KPNA2: variants seen among roughly 807,000 people sequenced by gnomAD.
KPNA2 encodes karyopherin subunit alpha 2.
Under a neutral mutation model 53.7 loss-of-function variants are expected in KPNA2, and 20 were observed. That is an observed-to-expected ratio of 0.37 (90% CI 0.26 to 0.54). The LOEUF (loss-of-function observed/expected upper bound fraction) is 0.54, where lower values mean the gene tolerates loss of function less well. Among genes scored for constraint, KPNA2 ranks in the 20% least tolerant of loss-of-function variants. The pLI is 0.83. For missense variants in KPNA2, 515 were observed against 640.3 expected, an observed-to-expected ratio of 0.80 and a Z score of 2.11; for synonymous variants, 238 against 227.5, an observed-to-expected ratio of 1.05 and a Z score of -0.42.
chr17:68,046,408 G>A, intron 10 of KPNA2, 96 bp from the exon 11 acceptor site: 1 of 704,156 alleles, frequency 1.4e-6, no homozygotes, highest in Non-Finnish European at 2.4e-6. Flanking sequence ...GGTGTAATAT[G>A]CAGATCAAGA....
chr17:68,040,826 T>G (rs1599140603), intron 4 of KPNA2, 60 bp downstream of exon 4: 7 of 946,020 alleles, frequency 7.4e-6, no homozygotes, highest in African/African-American at 1.8e-5. Flanking sequence ...AGATTTTTTT[T>G]TGGGGGGTGG....
intron 4 of KPNA2, 58 bp downstream of exon 4, chr17:68,040,824 T>TA: frequency 9.9e-7 from 1 of 1,013,658 alleles, no homozygotes; most frequent in Non-Finnish European, 1.5e-6. Context: ...TTAGATTTTT[T>TA]TTTGGGGGGT....
chr17:68,045,259 C>T lies in KPNA2; in HGVS notation c.1348-513C>T, dbSNP rs536569588. 2.6e-5 allele frequency among the ~76,000 whole-genome samples: 4 copies of T among 152,152 alleles called. No individual in the cohort carries two copies. In the East Asian group the frequency reaches 7.7e-4, roughly 29 times the overall value. The stretch of plus-strand genomic sequence containing the variant: ...TTTTCATCTATAGATATTTATGTAT[C>T]TCTTTAAGGTTGAAAATTTAAAGGA... On this transcript the variant is annotated intron_variant, in intron 9 of 10. Transcript: ENST00000330459.
intron 4 of KPNA2, among the ~76,000 whole-genome samples, chr17:68,041,659 G>A (rs62084695): frequency 0.035 from 5,326 of 152,274 alleles, 137 homozygotes; most frequent in Non-Finnish European, 0.056. Context: ...CCAGGAGGTC[G>A]AGGCTGCAGT....
chr17:68,040,060 TTGAGTGAAACTCCGTCTCA>T (rs2071238235), intron 3 of KPNA2, among the ~76,000 whole-genome samples: 1 of 151,478 alleles, frequency 6.6e-6, no homozygotes, highest in Admixed American at 6.6e-5. Flanking sequence ...AGCCTGGGGA[TTGAGTGAAACTCCGTCTCA>T]AAAAAAAAAA....
intron 9 of KPNA2, 66 bp from the exon 10 acceptor site, chr17:68,045,706 G>A (rs531123220): frequency 8.5e-7 from 1 of 1,176,354 alleles, no homozygotes; most frequent in African/African-American, 1.5e-5. Flanking sequence ...TCAAATTATT[G>A]ATGTTTTCTT....
At chr17:68,043,037 A>C in intron 6 of KPNA2, 38 bp downstream of exon 6, 1 of 1,611,974 alleles carries the variant, frequency 6.2e-7, no homozygotes, top group Non-Finnish European at 8.5e-7. Flanking sequence ...TCACTTCTTC[A>C]TTCTAATTTC....
chr17:68,046,086 T>C (rs1555705386), intron 10 of KPNA2, among the ~76,000 whole-genome samples, 165 bp downstream of exon 10: 1 of 152,206 alleles, frequency 6.6e-6, no homozygotes, highest in Non-Finnish European at 1.5e-5. Context: ...TTTGGCTTGA[T>C]GGTAATAAAA....
At chr17:68,044,727 A>G (rs1180402293) in intron 9 of KPNA2, among the ~76,000 whole-genome samples, 5 of 152,222 alleles carry the variant, frequency 3.3e-5, no homozygotes, top group Admixed American at 3.3e-4. Flanking sequence ...TCAGGCGCTT[A>G]TGTGGACTCA....
intron 3 of KPNA2, 149 bp downstream of exon 3, chr17:68,037,644 G>C: frequency 1.3e-6 from 1 of 787,392 alleles, no homozygotes; most frequent in Non-Finnish European, 2.0e-6. Context: ...ATTAGTAATT[G>C]TCTTCTTTCC....
chr17:68,036,786 G>A (rs1241206275), intron 1 of KPNA2, among the ~76,000 whole-genome samples: 1 of 152,192 alleles, frequency 6.6e-6, no homozygotes, highest in African/African-American at 2.4e-5. Flanking sequence ...GATATGTTGG[G>A]TTAAGTAAAA....
Position 68,043,012 on chromosome 17 carries a change from C to T in KPNA2, c.666+13C>T, listed in dbSNP as rs1555704833. On this transcript the variant is annotated intron_variant, in intron 6 of 10. Transcript: ENST00000330459. Reference sequence around the variant, plus strand: ...GTCATCTTTAGCAGTAAGTTACTAACATGAGTAAAGTTACTCACTTCTTCA... The same window carrying T: ...GTCATCTTTAGCAGTAAGTTACTAATATGAGTAAAGTTACTCACTTCTTCA... The T allele has an allele frequency of 6.2e-7, 1 of 1,608,894 alleles. No individual in the cohort carries two copies.
intron 4 of KPNA2, among the ~76,000 whole-genome samples, 189 bp from the exon 5 acceptor site, chr17:68,041,896 C>T (rs971788898): frequency 2.6e-5 from 4 of 152,056 alleles, no homozygotes; most frequent in Non-Finnish European, 5.9e-5. Flanking sequence ...TTAATTATAC[C>T]GCATACATAG....
Position 68,042,252 on chromosome 17 carries a change from C to A in KPNA2, c.470C>A (p.Ala157Asp). The A allele has an allele frequency of 6.2e-7, 1 of 1,614,154 alleles. No individual in the cohort carries two copies. Among genetic ancestry groups the A allele is most frequent in the Non-Finnish European group, 8.5e-7 (1 of 1,180,006 alleles). ...IASGTSEQTK[A>D]VVDGGAIPAF... ...TCTGGGACATCAGAACAAACCAAGG[C>A]TGTGGTAGATGGAGGTGCCATCCCA... The change falls in exon 5 of 11, where the codon GCT (alanine) becomes GAT (aspartate). Residue 157 changes from alanine (A) to aspartate (D), a missense_variant. Ala to Asp is a moderately radical substitution (Grantham distance 126). Transcript: ENST00000330459.
In KPNA2 at chr17:68,040,779, T is replaced by C. The variant is rs375456615; in HGVS notation, c.302+13T>C. ...CTCAAGCTGCCAGGTAAGTCTTGTC[T>C]GCGATAGCATGGGTAGCCTAAGAAA... On this transcript the variant is annotated intron_variant, in intron 4 of 10. Transcript: ENST00000330459. 15 of 1,536,680 alleles carry C rather than the reference T, an allele frequency of 9.8e-6. No homozygotes were observed. The African/African-American group carries it at 1.1e-4, about 11-fold the overall frequency.
chr17:68,044,613 A>G, intron 9 of KPNA2, 110 bp downstream of exon 9: 1 of 821,460 alleles, frequency 1.2e-6, no homozygotes, highest in Non-Finnish European at 2.0e-6. Context: ...AAGCCACAGA[A>G]TCAGAAAGCC....
intron 7 of KPNA2, among the ~76,000 whole-genome samples, 198 bp downstream of exon 7, chr17:68,043,561 C>G (rs2071289907): frequency 1.3e-5 from 2 of 151,844 alleles, no homozygotes; most frequent in Admixed American, 1.3e-4. Flanking sequence ...AAGAAATTAT[C>G]TGGACATGGT....
intron 9 of KPNA2, chr17:68,045,523 A>G (rs2071318109): frequency 2.8e-6 from 1 of 355,278 alleles, no homozygotes; most frequent in African/African-American, 2.1e-5. Context: ...ATACATAGAA[A>G]AGGTTGGGAG....
chr17:68,043,975 G>A lies in KPNA2; in HGVS notation c.1068G>A (p.Thr356=), dbSNP rs374422131. 30 of 1,613,822 alleles carry A rather than the reference G, an allele frequency of 1.9e-5. No homozygotes were observed. Among genetic ancestry groups the A allele is most frequent in the East Asian group, 8.9e-5 (4 of 44,900 alleles). The change falls in exon 8 of 11, where the codon ACG becomes ACA. Residue 356 remains threonine (T), a synonymous_variant. Transcript: ENST00000330459. The part of the protein sequence containing the change: ...NPKTNIQKEA[T]WTMSNITAGR... ...AAACTAACATTCAGAAGGAAGCTACGTGGACAATGTCAAACATCACAGCCG... is the reference window on the plus strand; with the variant it reads ...AAACTAACATTCAGAAGGAAGCTACATGGACAATGTCAAACATCACAGCCG...
Sources: allele counts gnomAD v4.1 joint callset (sites outside exome capture counted in the v4.1 genomes callset), GRCh38; gene constraint gnomAD v4.1.1; transcripts MANE v1.5; gene names NCBI Gene and HGNC (gene_info 2026-07-23, HGNC 2026-07-21).